The following SLC49A4 variants were observed in gnomAD, a reference collection of about 807,000 sequenced individuals.
The protein encoded by SLC49A4 is solute carrier family 49 member 4, also known as disrupted in renal cancer protein 2.
A neutral mutation model predicts 50.6 loss-of-function variants in SLC49A4; 36 were observed. The observed-to-expected ratio is 0.71, with a 90% CI of 0.55 to 0.94. The LOEUF (loss-of-function observed/expected upper bound fraction) is 0.94. Among genes scored for constraint, SLC49A4 ranks in the 40% least tolerant of loss-of-function variants. The pLI is 0.00. For missense variants in SLC49A4, 503 were observed against 605.7 expected (o/e 0.83, Z 1.78); for synonymous variants, 248 against 241.2 (o/e 1.03, Z -0.26).
intron 1 of SLC49A4, among the ~76,000 whole-genome samples, chr3:122,796,444 A>G (rs1936041764): frequency 6.6e-6 from 1 of 152,226 alleles, no homozygotes; most frequent in African/African-American, 2.4e-5. Context: ...ACAAAATACC[A>G]TAAACTGGGT....
chr3:122,868,442 A>G (rs985505024), intron 7 of SLC49A4, among the ~76,000 whole-genome samples: 2 of 152,232 alleles, frequency 1.3e-5, no homozygotes, highest in Non-Finnish European at 2.9e-5. Context: ...ATACAAAGTT[A>G]TGGAAATACT....
intron 7 of SLC49A4, among the ~76,000 whole-genome samples, chr3:122,871,291 GTTAA>G (rs370746258): frequency 5.9e-5 from 9 of 151,964 alleles, no homozygotes; most frequent in African/African-American, 9.7e-5. Context: ...AAGAGTGGAG[GTTAA>G]TTAGAGAAAT....
At chr3:122,869,092 G>A (rs950051879) in intron 7 of SLC49A4, among the ~76,000 whole-genome samples, 1 of 152,116 alleles carries the variant, frequency 6.6e-6, no homozygotes, top group Non-Finnish European at 1.5e-5. Context: ...AGTTGTGTCC[G>A]CTGTCCATTC....
At chr3:122,854,499 C>A (rs1444692860) in intron 5 of SLC49A4, among the ~76,000 whole-genome samples, 1 of 152,232 alleles carries the variant, frequency 6.6e-6, no homozygotes, top group African/African-American at 2.4e-5. Flanking sequence ...GCTGCTTCCA[C>A]TTGTATTCTC....
At chr3:122,805,672 A>G (rs1314747868) in intron 1 of SLC49A4, among the ~76,000 whole-genome samples, 1 of 152,230 alleles carries the variant, frequency 6.6e-6, no homozygotes, top group African/African-American at 2.4e-5. Context: ...CACAAACAGT[A>G]AGATATGTTA....
Position 122,879,320 on chromosome 3 carries a change from T to C in SLC49A4, c.1379T>C (p.Ile460Thr), listed in dbSNP as rs1937304972. ...TCGTGTTTGCTCAGTCTCCTCCTCA[T>C]TCTGTGCTTCAGGGAATCCTATGAC... ...PGSCLLSLLL[I>T]LCFRESYDRL... The change falls in exon 9 of 9, where the codon ATT becomes ACT. Residue 460 changes from isoleucine (I) to threonine (T), a missense_variant. Ile to Thr is a moderately conservative substitution (Grantham distance 89). Transcript: ENST00000261038. 1 of 1,613,770 alleles carries C rather than the reference T, an allele frequency of 6.2e-7. No homozygotes were observed. Among genetic ancestry groups the C allele is most frequent in the Non-Finnish European group, 8.5e-7 (1 of 1,179,848 alleles).
intron 4 of SLC49A4, among the ~76,000 whole-genome samples, chr3:122,841,813 G>T (rs1434800017): frequency 6.6e-6 from 1 of 152,034 alleles, no homozygotes; most frequent in Admixed American, 6.6e-5. Context: ...TTAGACTTTT[G>T]TTTCAGTATA....
At chr3:122,795,570 C>T (rs757111396) in intron 1 of SLC49A4, 35 bp downstream of exon 1, 7 of 1,562,434 alleles carry the variant, frequency 4.5e-6, no homozygotes, top group African/African-American at 2.8e-5. Context: ...CGCGCTGTCT[C>T]TCCTCCGGGA....
chr3:122,831,966 CAA>C (rs564682072), intron 3 of SLC49A4, among the ~76,000 whole-genome samples: 4 of 130,842 alleles, frequency 3.1e-5, no homozygotes, highest in African/African-American at 2.8e-5. Flanking sequence ...CTGAAAACAC[CAA>C]AAAAAAAAAG....
At chr3:122,863,295 C>A (rs1937079155) in intron 7 of SLC49A4, among the ~76,000 whole-genome samples, 1 of 152,194 alleles carries the variant, frequency 6.6e-6, no homozygotes, top group South Asian at 2.1e-4. Context: ...CCCTACCAGT[C>A]TGAAAATCTG....
chr3:122,806,030 C>T (rs956795476), intron 1 of SLC49A4, among the ~76,000 whole-genome samples: 3 of 152,186 alleles, frequency 2.0e-5, no homozygotes, highest in African/African-American at 7.2e-5. Context: ...AGGACCACTT[C>T]CTATGACGCT....
At chr3:122,837,362 G>T (rs1482505997) in intron 4 of SLC49A4, among the ~76,000 whole-genome samples, 1 of 152,038 alleles carries the variant, frequency 6.6e-6, no homozygotes, top group Non-Finnish European at 1.5e-5. Context: ...ACCAAACAGA[G>T]ATATAGACCA....
intron 5 of SLC49A4, among the ~76,000 whole-genome samples, chr3:122,853,646 G>C (rs1482353964): frequency 6.6e-6 from 1 of 152,154 alleles, no homozygotes; most frequent in Non-Finnish European, 1.5e-5. Context: ...TGTAATCCCA[G>C]CTACTTGGGA....
intron 1 of SLC49A4, among the ~76,000 whole-genome samples, chr3:122,797,735 C>T (rs976531831): frequency 1.6e-4 from 25 of 152,172 alleles, no homozygotes; most frequent in Admixed American, 1.6e-3. Context: ...AATCTCAGCA[C>T]TTTGGGAGGC....
intron 2 of SLC49A4, among the ~76,000 whole-genome samples, chr3:122,817,846 T>G (rs1473681360): frequency 7.1e-6 from 1 of 140,516 alleles, no homozygotes; most frequent in African/African-American, 2.7e-5. Context: ...CCACCTGCCC[T>G]GGCCTCCCAA....
intron 7 of SLC49A4, among the ~76,000 whole-genome samples, chr3:122,866,244 G>A (rs539878893): frequency 4.9e-5 from 7 of 142,046 alleles, no homozygotes; most frequent in African/African-American, 1.9e-4. Context: ...GTTTCGCCAC[G>A]TTGTCCAGGC....
At chr3:122,863,716 CT>C (rs1433643597) in intron 7 of SLC49A4, among the ~76,000 whole-genome samples, 3 of 152,112 alleles carry the variant, frequency 2.0e-5, no homozygotes, top group Non-Finnish European at 4.4e-5. Context: ...AGGAAAATAT[CT>C]AGTCTTTTTC....
At chr3:122,847,029 T>C (rs953080353) in intron 5 of SLC49A4, among the ~76,000 whole-genome samples, 2 of 152,160 alleles carry the variant, frequency 1.3e-5, no homozygotes, top group Non-Finnish European at 2.9e-5. Flanking sequence ...GACGTCAAGA[T>C]TGTCTTGGAG....
intron 4 of SLC49A4, among the ~76,000 whole-genome samples, chr3:122,834,138 A>T (rs1441926106): frequency 1.3e-5 from 2 of 152,284 alleles, no homozygotes; most frequent in East Asian, 3.9e-4. Context: ...GGTAGTTGTT[A>T]TGAGTTTTTA....
Sources: gnomAD v4.1 joint callset for allele counts (sites outside exome capture counted in the v4.1 genomes callset) on GRCh38, gnomAD v4.1.1 for gene constraint, MANE v1.5 for transcripts, NCBI Gene and HGNC (gene_info 2026-07-23, HGNC 2026-07-21) for gene names.